CHSY1: variants seen among roughly 807,000 people sequenced by gnomAD.
The protein encoded by CHSY1 is N-acetylgalactosaminyl-proteoglycan 3-beta-glucuronosyltransferase 1.
A neutral mutation model predicts 59.8 loss-of-function variants in CHSY1; 13 were observed. The observed-to-expected ratio is 0.22, with a 90% CI of 0.14 to 0.35. CHSY1 has a LOEUF of 0.35. Ranked by LOEUF, CHSY1 falls within the 10% of genes least tolerant of loss-of-function variation. The pLI is 1.00. For missense variants in CHSY1, 947 were observed against 1,030.6 expected, an observed-to-expected ratio of 0.92 and a Z score of 1.11; for synonymous variants, 459 against 401.2, an observed-to-expected ratio of 1.14 and a Z score of -1.72.
At chr15:101,200,727 A>G (rs895391939) in intron 2 of CHSY1, among the ~76,000 whole-genome samples, 2 of 152,060 alleles carry the variant, frequency 1.3e-5, no homozygotes, top group African/African-American at 4.8e-5. Context: ...CTGTTGCAGA[A>G]ATCTCTTAGG....
chr15:101,183,308 C>G (rs570537412), intron 2 of CHSY1, among the ~76,000 whole-genome samples: 1 of 152,222 alleles, frequency 6.6e-6, no homozygotes, highest in Non-Finnish European at 1.5e-5. Context: ...ATAAAAGTAT[C>G]CAGTATAAAA....
chr15:101,205,465 A>G (rs1364609339), intron 2 of CHSY1, among the ~76,000 whole-genome samples: 1 of 152,230 alleles, frequency 6.6e-6, no homozygotes, highest in Non-Finnish European at 1.5e-5. Flanking sequence ...GTTTCCTGAT[A>G]ACTAGAGAAA....
At chr15:101,211,466 T>C (rs1455856616) in intron 2 of CHSY1, among the ~76,000 whole-genome samples, 3 of 152,164 alleles carry the variant, frequency 2.0e-5, no homozygotes, top group African/African-American at 4.8e-5. Flanking sequence ...AAAACACGTA[T>C]AGGACTCAGT....
intron 2 of CHSY1, among the ~76,000 whole-genome samples, chr15:101,234,516 A>G (rs1054409563): frequency 6.6e-6 from 1 of 152,190 alleles, no homozygotes; most frequent in African/African-American, 2.4e-5. Context: ...ACCATCAGCA[A>G]CCCATTATCT....
chr15:101,242,498 T>C (rs2039012290), intron 1 of CHSY1: 1 of 152,220 alleles, frequency 6.6e-6, no homozygotes, highest in African/African-American at 2.4e-5. Flanking sequence ...AAAAACATAC[T>C]AAGGCCTGAG....
rs1276531037 is a variant in CHSY1, at chr15:101,251,423, C to G, written c.34G>C (p.Val12Leu). The G allele has an allele frequency of 9.0e-7, 1 of 1,112,500 alleles. No homozygotes were observed. The highest frequency in any genetic ancestry group is 2.0e-5 in the South Asian group (1 of 49,672). The allele number at this position is 1,112,500 out of a possible 1,614,324, so 68.9% of individuals were successfully genotyped here. Residue 12 changes from valine (V) to leucine (L), a missense_variant, in exon 1 of 3, where the codon GTG becomes CTG. Transcript: ENST00000254190. ...AARGRRAWLSVLLGLVLGFVL... is the reference protein window; with the variant it reads ...AARGRRAWLSLLLGLVLGFVL... The stretch of plus-strand genomic sequence containing the variant: ...AAGCCCAGGACGAGCCCGAGCAGCA[C>G]GCTGAGCCAGGCGCGCCGGCCGCGC...
At chr15:101,183,485 T>C (rs1049639931) in intron 2 of CHSY1, among the ~76,000 whole-genome samples, 3 of 152,200 alleles carry the variant, frequency 2.0e-5, no homozygotes, top group African/African-American at 7.2e-5. Flanking sequence ...TAGAATTCTC[T>C]TCCCAAACTA....
At chr15:101,250,282 T>C (rs1211526137) in intron 1 of CHSY1, among the ~76,000 whole-genome samples, 1 of 152,230 alleles carries the variant, frequency 6.6e-6, no homozygotes, top group Non-Finnish European at 1.5e-5. Context: ...ATATAGGGTT[T>C]CCATCAAATC....
At chr15:101,214,454 T>C (rs930534591) in intron 2 of CHSY1, among the ~76,000 whole-genome samples, 8 of 152,258 alleles carry the variant, frequency 5.3e-5, no homozygotes, top group African/African-American at 1.9e-4. Flanking sequence ...TGTGTCTGCA[T>C]CTGCCATCTT....
intron 1 of CHSY1, among the ~76,000 whole-genome samples, chr15:101,241,111 T>C (rs930628516): frequency 9.9e-5 from 15 of 152,248 alleles, no homozygotes; most frequent in Admixed American, 7.2e-4. Context: ...TTTTTTGTTT[T>C]CTGAGACGGA....
At chr15:101,201,130 CG>C (rs1056379221) in intron 2 of CHSY1, among the ~76,000 whole-genome samples, 5 of 10,928 alleles carry the variant, frequency 4.6e-4, no homozygotes, top group African/African-American at 1.4e-3. Context: ...GGGAGGTGGT[CG>C]GGGGTGGCGG....
intron 2 of CHSY1, among the ~76,000 whole-genome samples, chr15:101,224,295 A>T (rs2038817712): frequency 6.6e-6 from 1 of 152,262 alleles, no homozygotes; most frequent in Admixed American, 6.5e-5. Context: ...AAGGAAAAGA[A>T]TACATATATA....
intron 1 of CHSY1, among the ~76,000 whole-genome samples, chr15:101,249,058 C>T (rs973201536): frequency 1.3e-5 from 2 of 151,638 alleles, no homozygotes; most frequent in Non-Finnish European, 2.9e-5. Context: ...CCGCCTCGGC[C>T]TCCCAAAGTG....
chr15:101,222,101 C>T (rs2038795009), intron 2 of CHSY1, among the ~76,000 whole-genome samples: 1 of 152,176 alleles, frequency 6.6e-6, no homozygotes, highest in Non-Finnish European at 1.5e-5. Context: ...AACTGATAAG[C>T]TCTTTGTAAG....
At chr15:101,219,565 A>G (rs1161525193) in intron 2 of CHSY1, among the ~76,000 whole-genome samples, 2 of 152,024 alleles carry the variant, frequency 1.3e-5, no homozygotes, top group African/African-American at 4.8e-5. Context: ...CAGGGCCCAC[A>G]CTCCACAGCT....
At chr15:101,199,011 T>C (rs554584054) in intron 2 of CHSY1, among the ~76,000 whole-genome samples, 11 of 152,278 alleles carry the variant, frequency 7.2e-5, no homozygotes, top group African/African-American at 2.6e-4. Flanking sequence ...AAGAAACTCA[T>C]TCCTAAGTGT....
At chr15:101,186,112 C>G (rs2038359233) in intron 2 of CHSY1, among the ~76,000 whole-genome samples, 1 of 146,492 alleles carries the variant, frequency 6.8e-6, no homozygotes, top group Admixed American at 6.9e-5. Flanking sequence ...GAGTTCCAGA[C>G]CAGTCTGGGC....
intron 2 of CHSY1, among the ~76,000 whole-genome samples, chr15:101,196,557 C>G (rs2038509056): frequency 6.6e-6 from 1 of 152,146 alleles, no homozygotes; most frequent in African/African-American, 2.4e-5. Context: ...TTGAGAGAAG[C>G]CACAGCACTG....
chr15:101,208,998 A>C (rs971666265), intron 2 of CHSY1, among the ~76,000 whole-genome samples: 7 of 152,192 alleles, frequency 4.6e-5, no homozygotes, highest in African/African-American at 1.7e-4. Context: ...AAGAAACATC[A>C]ATTAATGCTA....
Sources: allele counts gnomAD v4.1 joint callset (sites outside exome capture counted in the v4.1 genomes callset), GRCh38; gene constraint gnomAD v4.1.1; transcripts MANE v1.5; gene names NCBI Gene and HGNC (gene_info 2026-07-23, HGNC 2026-07-21).